Variants in ST3GAL1 observed in about 807,000 individuals in gnomAD.
ST3GAL1 encodes the protein ST3 beta-galactoside alpha-2,3-sialyltransferase 1.
ST3GAL1 carries 16 observed loss-of-function variants against 34.1 expected under a neutral mutation model. The ratio of observed to expected loss-of-function variants is 0.47; its 90% CI spans 0.32 to 0.71. ST3GAL1 has a LOEUF of 0.71. ST3GAL1 is among the 30% of genes least tolerant of loss of function. The probability of loss-of-function intolerance (pLI) is 0.04; values close to 1 mark genes in which losing one functional copy is unlikely to be tolerated. For missense variants in ST3GAL1, 353 were observed against 447.4 expected (o/e 0.79, Z 1.90); for synonymous variants, 191 against 184.7 (o/e 1.03, Z -0.28).
intron 2 of ST3GAL1, among the ~76,000 whole-genome samples, chr8:133,520,724 C>T (rs1325096003): frequency 6.6e-6 from 1 of 151,220 alleles, no homozygotes; most frequent in African/African-American, 2.4e-5. Flanking sequence ...GGAAATGGCT[C>T]AATGTGCAGT....
intron 3 of ST3GAL1, among the ~76,000 whole-genome samples, chr8:133,488,803 G>T (rs1040750567): frequency 6.6e-6 from 1 of 152,192 alleles, no homozygotes; most frequent in Non-Finnish European, 1.5e-5. Flanking sequence ...GACAGTAGGT[G>T]AGTCCAACGA....
intron 2 of ST3GAL1, among the ~76,000 whole-genome samples, chr8:133,534,402 G>A (rs958097657): frequency 6.6e-6 from 1 of 151,880 alleles, no homozygotes; most frequent in African/African-American, 2.4e-5. Flanking sequence ...TGGCACAAAT[G>A]CTTGCCAAAT....
rs1414457292 is a variant in ST3GAL1 at position 133,459,247 on chromosome 8, A to T, written c.*517T>A. On this transcript the variant is annotated 3_prime_UTR_variant, in exon 10 of 10. Transcript: ENST00000522652. This position sits in a 1 kb window ranked among gnomAD's most constrained non-coding sequence, Gnocchi z 4.7. Reference sequence around the variant, plus strand: ...AGGAGCCTCTGGTGGCTCATAAATGAGCTTTGGGAAGATGACAGGGTTATC... The same window carrying T: ...AGGAGCCTCTGGTGGCTCATAAATGTGCTTTGGGAAGATGACAGGGTTATC... 6.6e-6 allele frequency: 1 copy of T among 152,168 alleles called. No homozygotes were observed. The highest frequency in any genetic ancestry group is 1.5e-5 in the Non-Finnish European group (1 of 68,098). The allele number at this position is 152,168 out of a possible 1,614,324, so 9.4% of individuals were successfully genotyped here. A position where few individuals can be genotyped will look rare whatever the true frequency, so the allele number is the denominator to read the frequency against.
At chr8:133,550,249 T>C (rs1270165793) in intron 1 of ST3GAL1, among the ~76,000 whole-genome samples, 1 of 152,196 alleles carries the variant, frequency 6.6e-6, no homozygotes, top group Non-Finnish European at 1.5e-5. Flanking sequence ...CCTCTTTCTA[T>C]ATTGAGTCCC....
intron 3 of ST3GAL1, among the ~76,000 whole-genome samples, chr8:133,490,195 C>A (rs568449712): frequency 1.1e-3 from 160 of 152,236 alleles, no homozygotes; most frequent in Admixed American, 3.7e-3. Context: ...ACACCATAAT[C>A]CCATTTTACA....
chr8:133,526,805 T>G (rs1214096511), intron 2 of ST3GAL1, among the ~76,000 whole-genome samples: 2 of 151,834 alleles, frequency 1.3e-5, no homozygotes, highest in Non-Finnish European at 1.5e-5. Flanking sequence ...GTGGGTGGGG[T>G]GCACTGTTGT....
intron 2 of ST3GAL1, among the ~76,000 whole-genome samples, chr8:133,542,365 C>T (rs1006357066): frequency 2.6e-4 from 40 of 152,336 alleles, no homozygotes; most frequent in African/African-American, 9.6e-4. Flanking sequence ...GTTAGAGACA[C>T]AGGAGCCAGG....
Position 133,476,559 on chromosome 8 carries a change from T to C in ST3GAL1, c.-332A>G, listed in dbSNP as rs1816188755. 1 of 152,518 alleles carries C rather than the reference T, an allele frequency of 6.6e-6. No individual in the cohort carries two copies. The highest frequency in any genetic ancestry group is 2.4e-5 in the African/African-American group (1 of 41,440). 9.4% of individuals were successfully genotyped at this position (152,518 alleles called of 1,614,324 possible). ...ATCCTGTCGCCAGGGACATGGTGGG[T>C]ACACAACCAGCTTGATGAAGGCACA... On this transcript the variant is annotated 5_prime_UTR_variant, in exon 4 of 10. Transcript: ENST00000522652.
Position 133,467,136 on chromosome 8 carries a change from C to T in ST3GAL1, c.307-1046G>A, listed in dbSNP as rs369514850. Among the ~76,000 whole-genome samples the T allele has an allele frequency of 9.9e-5, 15 of 151,898 alleles. No individual in the cohort carries two copies. Among genetic ancestry groups the T allele is most frequent in the African/African-American group, 3.1e-4 (13 of 41,440 alleles). ...AGACCTAGCTCGAGGGTCAGCTGCT[C>T]GCAGATTGAATGCCAGTCTTATTCC... On this transcript the variant is annotated intron_variant, in intron 5 of 9. Transcript: ENST00000522652. The surrounding 1 kb of genome is among the most constrained non-coding windows in gnomAD (Gnocchi z 4.2).
chr8:133,527,538 C>A (rs1289179367), intron 2 of ST3GAL1, among the ~76,000 whole-genome samples: 2 of 152,148 alleles, frequency 1.3e-5, no homozygotes, highest in Non-Finnish European at 2.9e-5. Flanking sequence ...TGACGTCAGG[C>A]AAGCCACAGA....
chr8:133,566,231 G>A (rs1819396349), intron 1 of ST3GAL1, among the ~76,000 whole-genome samples: 1 of 152,202 alleles, frequency 6.6e-6, no homozygotes, highest in South Asian at 2.1e-4. Context: ...CCATAGGAAT[G>A]AGAGGAGCAT....
chr8:133,466,269 G>A lies in ST3GAL1; in HGVS notation c.307-179C>T, dbSNP rs1815731045. 6.6e-6 allele frequency among the ~76,000 whole-genome samples: 1 copy of A among 152,188 alleles called. No individual in the cohort carries two copies. The highest frequency in any genetic ancestry group is 2.4e-5 in the African/African-American group (1 of 41,440). On this transcript the variant is annotated intron_variant, in intron 5 of 9. Coordinates refer to ENST00000522652, the MANE Select transcript of ST3GAL1 (RefSeq NM_173344.3). The surrounding 1 kb of genome is among the most constrained non-coding windows in gnomAD (Gnocchi z 4.4). Reference sequence around the variant, plus strand: ...ACACCTCCACTTCCTCCTTCAAGGAGACTAAGGGTTACTCAGGAAGTAAAG... The same window carrying A: ...ACACCTCCACTTCCTCCTTCAAGGAAACTAAGGGTTACTCAGGAAGTAAAG...
At chr8:133,512,115 T>C (rs1817514255) in intron 2 of ST3GAL1, among the ~76,000 whole-genome samples, 1 of 152,104 alleles carries the variant, frequency 6.6e-6, no homozygotes. Context: ...TAAAGTCCCA[T>C]GATAGGCCGT....
In ST3GAL1 at chr8:133,461,800, C is replaced by G. The variant is rs1484791962; in HGVS notation, c.849+75G>C. On this transcript the variant is annotated intron_variant, in intron 9 of 9. Transcript: ENST00000522652. This position sits in a 1 kb window ranked among gnomAD's most constrained non-coding sequence, Gnocchi z 4.7. ...GCAGGCTAGGTCTACCTGCCCTCCC[C>G]CTCCCTGGCCTCTCTTGGGAACACA... 5.8e-5 allele frequency: 92 copies of G among 1,590,368 alleles called. No homozygotes were observed. Among genetic ancestry groups the G allele is most frequent in the South Asian group, 1.0e-4 (9 of 88,372 alleles).
intron 5 of ST3GAL1, among the ~76,000 whole-genome samples, chr8:133,470,647 C>T (rs901916670): frequency 1.3e-5 from 2 of 152,080 alleles, no homozygotes; most frequent in African/African-American, 4.8e-5. Context: ...GGCTGGGGCA[C>T]GGATGCAGGT....
chr8:133,538,181 T>A (rs1818361190), intron 2 of ST3GAL1, among the ~76,000 whole-genome samples: 1 of 152,240 alleles, frequency 6.6e-6, no homozygotes, highest in Admixed American at 6.5e-5. Context: ...TTTTTGCTGC[T>A]GTATCCGAAG....
In ST3GAL1 at chr8:133,462,275, T is replaced by A. The variant is rs528204688; in HGVS notation, c.730-281A>T. 1.2e-4 allele frequency among the ~76,000 whole-genome samples: 18 copies of A among 151,766 alleles called. No homozygotes were observed. In the East Asian group the frequency reaches 3.5e-3, roughly 29 times the overall value. On this transcript the variant is annotated intron_variant, in intron 8 of 9. Transcript: ENST00000522652. ...ATCACTGAGCTGACACACAGAAAAA[T>A]CCAAGGAGGCCAGGGAGTGAGATGG...
At chr8:133,475,686 C>T in intron 5 of ST3GAL1, 33 bp downstream of exon 5, 1 of 1,535,340 alleles carries the variant, frequency 6.5e-7, no homozygotes, top group Non-Finnish European at 8.8e-7. Flanking sequence ...CCCCAACTCT[C>T]AGCCCAGACC....
chr8:133,462,118 C>A (rs1259436499), intron 8 of ST3GAL1, 124 bp from the exon 9 acceptor site: 6 of 1,397,376 alleles, frequency 4.3e-6, no homozygotes, highest in Non-Finnish European at 5.8e-6. Flanking sequence ...GATACGCCTG[C>A]ACTTGTGGGC....
Sources: allele counts gnomAD v4.1 joint callset (sites outside exome capture counted in the v4.1 genomes callset), GRCh38; gene constraint gnomAD v4.1.1; non-coding constraint Gnocchi (gnomAD v3.1); transcripts MANE v1.5; gene names NCBI Gene and HGNC (gene_info 2026-07-23, HGNC 2026-07-21).